The following POFUT3 variants were observed in gnomAD, a reference collection of about 807,000 sequenced individuals.
The protein encoded by POFUT3 is GDP-fucose protein O-fucosyltransferase 3.
the POFUT3 span, among the ~76,000 whole-genome samples, chr8:33,377,322 A>G: frequency 6.6e-6 from 1 of 152,226 alleles, no homozygotes; most frequent in Non-Finnish European, 1.5e-5. Context: ...CAAAACAAAC[A>G]AAAGATAAAA....
chr8:33,388,329 CTTTT>C, the POFUT3 span, among the ~76,000 whole-genome samples: 2,036 of 83,722 alleles, frequency 0.024, 21 homozygotes, highest in African/African-American at 0.092. Context: ...AAGCAGAACT[CTTTT>C]TTTTTTTTTT....
At chr8:33,424,416 A>G in the POFUT3 span, among the ~76,000 whole-genome samples, 1 of 152,174 alleles carries the variant, frequency 6.6e-6, no homozygotes, top group Non-Finnish European at 1.5e-5. Flanking sequence ...GGATAGGAGC[A>G]CTACACACCT....
At chr8:33,435,038 G>A in the POFUT3 span, among the ~76,000 whole-genome samples, 1 of 152,134 alleles carries the variant, frequency 6.6e-6, no homozygotes, top group Non-Finnish European at 1.5e-5. Flanking sequence ...ACAACAGGAA[G>A]GAGACAGGGA....
the POFUT3 span, among the ~76,000 whole-genome samples, chr8:33,416,504 G>C: frequency 6.6e-6 from 1 of 152,042 alleles, no homozygotes; most frequent in African/African-American, 2.4e-5. Flanking sequence ...TTGAGGCCAG[G>C]AGTTCAAGAC....
the POFUT3 span, among the ~76,000 whole-genome samples, chr8:33,448,401 A>T: frequency 6.6e-6 from 1 of 152,272 alleles, no homozygotes; most frequent in East Asian, 1.9e-4. Flanking sequence ...ATGCCACTGC[A>T]TTCCAGCCTG....
At chr8:33,334,223 CTT>C in the POFUT3 span, among the ~76,000 whole-genome samples, 1 of 145,094 alleles carries the variant, frequency 6.9e-6, no homozygotes, top group South Asian at 2.2e-4. Flanking sequence ...TTGAAAATTC[CTT>C]TTTTTTTTTT....
chr8:33,321,777 G>A, the POFUT3 span, among the ~76,000 whole-genome samples: 1 of 152,034 alleles, frequency 6.6e-6, no homozygotes, highest in East Asian at 1.9e-4. Context: ...GATCTCCTAG[G>A]AAAATAACTC....
chr8:33,331,825 G>A, the POFUT3 span, among the ~76,000 whole-genome samples: 6 of 151,878 alleles, frequency 4.0e-5, no homozygotes, highest in Non-Finnish European at 8.8e-5. Flanking sequence ...ACAGGCGCCC[G>A]CCACCACGCC....
the POFUT3 span, among the ~76,000 whole-genome samples, chr8:33,466,729 A>G: frequency 1.3e-5 from 2 of 152,278 alleles, no homozygotes; most frequent in South Asian, 4.1e-4. Context: ...AGCACTATGA[A>G]GGACAGCAGG....
At chr8:33,386,152 A>ACAC in the POFUT3 span, among the ~76,000 whole-genome samples, 1 of 141,214 alleles carries the variant, frequency 7.1e-6, no homozygotes, top group African/African-American at 2.8e-5. Flanking sequence ...TCACGCCACT[A>ACAC]CACTCCAGCC....
At chr8:33,349,775 G>A in the POFUT3 span, among the ~76,000 whole-genome samples, 2,020 of 152,198 alleles carry the variant, frequency 0.013, 40 homozygotes, top group African/African-American at 0.046. Flanking sequence ...ATATAATGAC[G>A]TCTTTTCCTT....
the POFUT3 span, among the ~76,000 whole-genome samples, chr8:33,335,188 T>C: frequency 6.6e-6 from 1 of 151,812 alleles, no homozygotes; most frequent in South Asian, 2.1e-4. Flanking sequence ...TGTGTGTGTA[T>C]CTTATACATT....
At chr8:33,439,220 C>A in the POFUT3 span, among the ~76,000 whole-genome samples, 1 of 151,618 alleles carries the variant, frequency 6.6e-6, no homozygotes. Context: ...GCCTGGCCAA[C>A]ATGGTGAAGC....
At chr8:33,375,227 C>G in the POFUT3 span, among the ~76,000 whole-genome samples, 1 of 151,872 alleles carries the variant, frequency 6.6e-6, no homozygotes, top group Non-Finnish European at 1.5e-5. Flanking sequence ...TTGCATGTAC[C>G]TCTTCTCAGG....
chr8:33,457,583 C>A, the POFUT3 span, among the ~76,000 whole-genome samples: 1 of 151,896 alleles, frequency 6.6e-6, no homozygotes, highest in African/African-American at 2.4e-5. Flanking sequence ...AGAGAATATT[C>A]AGTAATTGTT....
the POFUT3 span, among the ~76,000 whole-genome samples, chr8:33,356,631 C>T: frequency 1.3e-5 from 2 of 152,024 alleles, no homozygotes; most frequent in African/African-American, 2.4e-5. Context: ...TGCCTGTTCA[C>T]TCTGATGGTA....
chr8:33,450,283 C>G, the POFUT3 span, among the ~76,000 whole-genome samples: 1 of 152,184 alleles, frequency 6.6e-6, no homozygotes, highest in Non-Finnish European at 1.5e-5. Flanking sequence ...GTGCTCTCTC[C>G]TGTCTTTGAA....
At chr8:33,449,935 CT>C in the POFUT3 span, among the ~76,000 whole-genome samples, 2,795 of 112,320 alleles carry the variant, frequency 0.025, 61 homozygotes, top group African/African-American at 0.09. Context: ...TGAAGCTTTT[CT>C]TTTTTTTTTT....
At chr8:33,309,087 C>T in the POFUT3 span, among the ~76,000 whole-genome samples, 2 of 138,218 alleles carry the variant, frequency 1.4e-5, no homozygotes, top group African/African-American at 5.4e-5. Flanking sequence ...CTCTGGAGCC[C>T]CGGCTGTTGC....
Sources: allele counts gnomAD v4.1 joint callset (sites outside exome capture counted in the v4.1 genomes callset), GRCh38; gene constraint gnomAD v4.1.1; transcripts MANE v1.5; gene names NCBI Gene and HGNC (gene_info 2026-07-23, HGNC 2026-07-21).